SUFU: variants seen among roughly 807,000 people sequenced by gnomAD.
The protein encoded by SUFU is suppressor of fused homolog.
SUFU carries 7 observed loss-of-function variants against 58.9 expected under a neutral mutation model. The ratio of observed to expected loss-of-function variants is 0.12; its 90% CI spans 0.07 to 0.22. SUFU has a LOEUF of 0.22. SUFU is among the 10% of genes least tolerant of loss of function. The pLI, the probability that SUFU is intolerant of heterozygous loss-of-function variation, is 1.00. For missense variants in SUFU, 451 were observed against 641.3 expected (o/e 0.70, Z 3.20); for synonymous variants, 232 against 254.8 (o/e 0.91, Z 0.85).
chr10:102,522,122 C>T (rs1370686477), intron 2 of SUFU, among the ~76,000 whole-genome samples: 1 of 152,174 alleles, frequency 6.6e-6, no homozygotes, highest in Non-Finnish European at 1.5e-5. Flanking sequence ...TTCAGCTTGC[C>T]CACTGTTGCT....
Position 102,549,959 on chromosome 10 carries a change from A to G in SUFU, c.318-11A>G. 1 of 1,614,154 alleles carries G rather than the reference A, an allele frequency of 6.2e-7. No individual in the cohort carries two copies. Among genetic ancestry groups the G allele is most frequent in the Non-Finnish European group, 8.5e-7 (1 of 1,179,996 alleles). On this transcript the variant is annotated splice_polypyrimidine_tract_variant and intron_variant, in intron 2 of 11. Transcript: ENST00000369902. The stretch of plus-strand genomic sequence containing the variant: ...ATTGAGCTTAAAACACTTGCTTTTT[A>G]TGTCTTTCAGGTTTACAGGAACAGA...
chr10:102,553,638 C>T (rs10786678), intron 3 of SUFU, among the ~76,000 whole-genome samples: 66,453 of 151,816 alleles, frequency 0.44, 14,931 homozygotes, highest in East Asian at 0.67. Flanking sequence ...TAATTTTTTG[C>T]GTTTTTAGTA....
At chr10:102,620,503 C>G (rs2063730740) in intron 10 of SUFU, among the ~76,000 whole-genome samples, 1 of 152,204 alleles carries the variant, frequency 6.6e-6, no homozygotes, top group Non-Finnish European at 1.5e-5. Context: ...AGTGGACACT[C>G]CCTGCTTTAT....
At chr10:102,520,288 GC>G (rs2135665166) in intron 2 of SUFU, among the ~76,000 whole-genome samples, 1 of 142,784 alleles carries the variant, frequency 7.0e-6, no homozygotes, top group South Asian at 2.2e-4. Context: ...TGCGATCTCA[GC>G]TCACTGCAGC....
chr10:102,574,160 A>T (rs2063190258), intron 3 of SUFU, among the ~76,000 whole-genome samples: 1 of 152,190 alleles, frequency 6.6e-6, no homozygotes, highest in Non-Finnish European at 1.5e-5. Flanking sequence ...ATTGGGGACC[A>T]TGGGGGCACC....
chr10:102,508,395 A>T (rs1299231434), intron 1 of SUFU, among the ~76,000 whole-genome samples: 1 of 152,186 alleles, frequency 6.6e-6, no homozygotes, highest in East Asian at 1.9e-4. Context: ...TGGTGGGGGA[A>T]ATTTAATGTG....
chr10:102,584,811 G>A (rs781119817), intron 3 of SUFU, among the ~76,000 whole-genome samples: 21 of 152,200 alleles, frequency 1.4e-4, no homozygotes, highest in Non-Finnish European at 2.9e-4. Context: ...CACAGATATG[G>A]CAAACATGCT....
In SUFU at chr10:102,612,169, TTGTGTGTGTGTGTG is replaced by T. The variant is rs34032732; in HGVS notation, c.1023-3072_1023-3059del. ...AACAAATCAGCAGAAAACTGGGTTCTTGTGTGTGTGTGTGTGTGTGTGTGTGTGTGTGTGTGTGT... is the reference window on the plus strand; with the variant it reads ...AACAAATCAGCAGAAAACTGGGTTCTTGTGTGTGTGTGTGTGTGTGTGTGT... On this transcript the variant is annotated intron_variant, in intron 8 of 11. Coordinates refer to ENST00000369902, the MANE Select transcript of SUFU (RefSeq NM_016169.4). Among the ~76,000 whole-genome samples, 487 of 148,328 alleles carry T rather than the reference TTGTGTGTGTGTGTG, an allele frequency of 3.3e-3. 1 individual carries two copies. The highest frequency in any genetic ancestry group is 0.011 in the Admixed American group (168 of 14,948).
At chr10:102,563,036 T>C (rs979928878) in intron 3 of SUFU, among the ~76,000 whole-genome samples, 4 of 152,090 alleles carry the variant, frequency 2.6e-5, no homozygotes, top group Non-Finnish European at 4.4e-5. Context: ...TGATGGGCCC[T>C]GGAGAACTTC....
intron 1 of SUFU, among the ~76,000 whole-genome samples, chr10:102,505,953 C>T (rs980747883): frequency 1.3e-5 from 2 of 150,640 alleles, no homozygotes; most frequent in Non-Finnish European, 2.9e-5. Flanking sequence ...TGTATTCCCA[C>T]CACTTTGGGA....
chr10:102,582,568 T>G (rs2063293055), intron 3 of SUFU, among the ~76,000 whole-genome samples: 1 of 152,084 alleles, frequency 6.6e-6, no homozygotes, highest in Non-Finnish European at 1.5e-5. Flanking sequence ...ACCCCCCACG[T>G]TTTCAGAGTT....
At position 102,619,518 on chromosome 10, in the gene SUFU, AG is replaced by A. The variant is rs1423802052; in HGVS notation, c.1296+2092del. On this transcript the variant is annotated intron_variant, in intron 10 of 11. Transcript: ENST00000369902. This position sits in a 1 kb window ranked among gnomAD's most constrained non-coding sequence, Gnocchi z 4.2. ...GTGGTCCACCACGGGGCCGGCTCAC[AG>A]GAGAGCTCCTGGGAAGGCTGGCGGA... is the stretch of plus-strand genomic sequence containing the variant. 12 of 1,113,768 alleles carry A rather than the reference AG, an allele frequency of 1.1e-5. No individual in the cohort carries two copies. In the East Asian group the frequency reaches 5.6e-4, roughly 52 times the overall value. The allele number at this position is 1,113,768 out of a possible 1,614,324, so 69.0% of individuals were successfully genotyped here.
Position 102,630,310 on chromosome 10 carries a change from C to A in SUFU, c.*155C>A. 1.4e-6 allele frequency: 1 copy of A among 692,484 alleles called. No homozygotes were observed. Among genetic ancestry groups the A allele is most frequent in the South Asian group, 1.6e-5 (1 of 60,704 alleles). 42.9% of individuals were successfully genotyped at this position (692,484 alleles called of 1,614,324 possible). ...CCGCAGCCCAGTGGGGTGCCATGCA[C>A]AGGCCACAGGCCCTCCACCTCACCT... On this transcript the variant is annotated 3_prime_UTR_variant, in exon 12 of 12. Coordinates refer to ENST00000369902, the MANE Select transcript of SUFU (RefSeq NM_016169.4).
chr10:102,537,163 T>A (rs1459941097), intron 2 of SUFU, among the ~76,000 whole-genome samples: 1 of 144,226 alleles, frequency 6.9e-6, no homozygotes. Flanking sequence ...GTCAAGGTCT[T>A]GCTCTGTCAC....
chr10:102,522,939 C>G (rs948167409), intron 2 of SUFU, among the ~76,000 whole-genome samples: 2 of 152,144 alleles, frequency 1.3e-5, no homozygotes, highest in African/African-American at 4.8e-5. Context: ...TACAGTTTCA[C>G]AGCCTTAGGT....
At chr10:102,595,803 G>A (rs2063455261) in intron 6 of SUFU, among the ~76,000 whole-genome samples, 1 of 152,184 alleles carries the variant, frequency 6.6e-6, no homozygotes, top group Non-Finnish European at 1.5e-5. Flanking sequence ...ATATATTCCT[G>A]TGATTCAAGC....
intron 2 of SUFU, among the ~76,000 whole-genome samples, chr10:102,526,789 G>A (rs776622348): frequency 6.9e-4 from 105 of 151,944 alleles, no homozygotes; most frequent in Non-Finnish European, 1.2e-3. Flanking sequence ...GTACAATGCT[G>A]GGAGTCCTGA....
At chr10:102,626,437 AT>A (rs2063786896) in intron 10 of SUFU, among the ~76,000 whole-genome samples, 1 of 152,188 alleles carries the variant, frequency 6.6e-6, no homozygotes, top group Non-Finnish European at 1.5e-5. Flanking sequence ...GCGAGAGGCA[AT>A]GAGGTGTCAG....
At chr10:102,509,490 A>C (rs1297122505) in intron 2 of SUFU, among the ~76,000 whole-genome samples, 187 bp downstream of exon 2, 1 of 152,194 alleles carries the variant, frequency 6.6e-6, no homozygotes. Flanking sequence ...TATCTAGTGC[A>C]GGAAAGTCTT....
Sources: allele counts gnomAD v4.1 joint callset (sites outside exome capture counted in the v4.1 genomes callset), GRCh38; gene constraint gnomAD v4.1.1; non-coding constraint Gnocchi (gnomAD v3.1); transcripts MANE v1.5; gene names NCBI Gene and HGNC (gene_info 2026-07-23, HGNC 2026-07-21).